Variants in ABTB3 observed in about 807,000 individuals in gnomAD.
The protein encoded by ABTB3 is ankyrin repeat- and BTB/POZ domain-containing protein 3.
At chr12:107,640,452 T>C in the ABTB3 span, 1 of 1,302,794 alleles carries the variant, frequency 7.7e-7, no homozygotes, top group Non-Finnish European at 1.1e-6. Context: ...GCATTATGAC[T>C]TTGGCTGTTG....
the ABTB3 span, among the ~76,000 whole-genome samples, chr12:107,538,280 G>A: frequency 6.6e-6 from 1 of 152,250 alleles, no homozygotes; most frequent in Non-Finnish European, 1.5e-5. Context: ...CAGTGGCAGT[G>A]TAATTTCAGT....
At chr12:107,593,143 A>C in the ABTB3 span, among the ~76,000 whole-genome samples, 268 of 152,322 alleles carry the variant, frequency 1.8e-3, 1 homozygote, top group African/African-American at 6.0e-3. Flanking sequence ...TTTACCATAG[A>C]GCAGGGGTGA....
chr12:107,656,680 A>G, the ABTB3 span, among the ~76,000 whole-genome samples: 1 of 152,228 alleles, frequency 6.6e-6, no homozygotes, highest in Non-Finnish European at 1.5e-5. Flanking sequence ...CAATGTAGCT[A>G]TATATTATGC....
chr12:107,435,370 C>T, the ABTB3 span, among the ~76,000 whole-genome samples: 1 of 152,336 alleles, frequency 6.6e-6, no homozygotes, highest in African/African-American at 2.4e-5. Flanking sequence ...TTTTACTCAG[C>T]ACTCTCTCCC....
the ABTB3 span, among the ~76,000 whole-genome samples, chr12:107,546,531 T>C: frequency 6.6e-6 from 1 of 152,354 alleles, no homozygotes; most frequent in Non-Finnish European, 1.5e-5. Context: ...TGCCACTGCA[T>C]GGCTCAGGAC....
At chr12:107,630,194 C>A in the ABTB3 span, among the ~76,000 whole-genome samples, 55 of 152,302 alleles carry the variant, frequency 3.6e-4, 2 homozygotes, top group South Asian at 0.011. Flanking sequence ...TTGGTGCCAC[C>A]ACGGCGTAGC....
At chr12:107,443,712 G>A in the ABTB3 span, among the ~76,000 whole-genome samples, 4 of 143,070 alleles carry the variant, frequency 2.8e-5, no homozygotes, top group Admixed American at 2.0e-4. Flanking sequence ...CAGCATCTAA[G>A]GCCCACGTTC....
At chr12:107,318,894 T>C in the ABTB3 span, 6 of 1,531,676 alleles carry the variant, frequency 3.9e-6, no homozygotes, top group Non-Finnish European at 4.4e-6. Context: ...TCCTCGCCGC[T>C]CCTTCCCTTT....
chr12:107,506,655 C>A, the ABTB3 span, among the ~76,000 whole-genome samples: 10 of 152,216 alleles, frequency 6.6e-5, no homozygotes, highest in Non-Finnish European at 1.2e-4. Flanking sequence ...TTTCTCAAGG[C>A]AGTTTACACA....
At chr12:107,527,583 T>TG in the ABTB3 span, among the ~76,000 whole-genome samples, 1 of 115,048 alleles carries the variant, frequency 8.7e-6, no homozygotes, top group African/African-American at 3.4e-5. Context: ...AGAGTTTTTG[T>TG]TTTTTTTTTT....
the ABTB3 span, among the ~76,000 whole-genome samples, chr12:107,550,597 T>G: frequency 6.7e-6 from 1 of 149,970 alleles, no homozygotes; most frequent in Admixed American, 6.6e-5. Flanking sequence ...TTTTTTTTTT[T>G]TGAGACAGAG....
the ABTB3 span, among the ~76,000 whole-genome samples, chr12:107,466,419 G>C: frequency 2.0e-5 from 3 of 152,062 alleles, no homozygotes; most frequent in South Asian, 6.3e-4. Context: ...ACTGTGAGCT[G>C]GGTTGTGTAA....
the ABTB3 span, among the ~76,000 whole-genome samples, chr12:107,489,541 A>G: frequency 6.6e-6 from 1 of 152,014 alleles, no homozygotes; most frequent in East Asian, 1.9e-4. Flanking sequence ...AAACAAACAA[A>G]CAAACAAACA....
At chr12:107,382,312 T>C in the ABTB3 span, among the ~76,000 whole-genome samples, 2 of 152,122 alleles carry the variant, frequency 1.3e-5, no homozygotes. Flanking sequence ...GGCCAGGACC[T>C]GGCACACAGG....
the ABTB3 span, among the ~76,000 whole-genome samples, chr12:107,553,172 TC>T: frequency 6.6e-6 from 1 of 152,204 alleles, no homozygotes; most frequent in African/African-American, 2.4e-5. Context: ...TGGTGGGTGA[TC>T]CATGAATGGT....
chr12:107,537,699 C>G, the ABTB3 span, among the ~76,000 whole-genome samples: 38,626 of 151,886 alleles, frequency 0.25, 5,170 homozygotes, highest in Admixed American at 0.35. Context: ...ACCCTTCAAA[C>G]TACTTCTCTT....
At chr12:107,637,823 TGTGTGTGTGTGG>T in the ABTB3 span, among the ~76,000 whole-genome samples, 1 of 139,860 alleles carries the variant, frequency 7.2e-6, no homozygotes, top group African/African-American at 2.7e-5. Context: ...TGTGTGTGTG[TGTGTGTGTGTGG>T]TATGGTGTCC....
the ABTB3 span, among the ~76,000 whole-genome samples, chr12:107,506,543 GAA>G: frequency 1.3e-5 from 2 of 148,448 alleles, no homozygotes; most frequent in African/African-American, 2.5e-5. Context: ...TAATAACCAT[GAA>G]AAAAAAAAGG....
At chr12:107,500,257 G>T in the ABTB3 span, among the ~76,000 whole-genome samples, 1 of 152,278 alleles carries the variant, frequency 6.6e-6, no homozygotes, top group East Asian at 1.9e-4. Flanking sequence ...GCCTGCGCCC[G>T]CTCCCCAGGA....
Sources: allele counts gnomAD v4.1 joint callset (sites outside exome capture counted in the v4.1 genomes callset), GRCh38; gene constraint gnomAD v4.1.1; transcripts MANE v1.5; gene names NCBI Gene and HGNC (gene_info 2026-07-23, HGNC 2026-07-21).